Variants in AURKA observed in about 807,000 individuals in gnomAD.
The protein encoded by AURKA is aurora kinase A, also known as aurora 2.
A neutral mutation model predicts 40.9 loss-of-function variants in AURKA; 12 were observed. The observed-to-expected ratio is 0.29, with a 90% CI of 0.19 to 0.48. The LOEUF (loss-of-function observed/expected upper bound fraction) is 0.48, where lower values mean the gene tolerates loss of function less well. Among genes scored for constraint, AURKA ranks in the 20% least tolerant of loss-of-function variants. The pLI is 0.99. For missense variants in AURKA, 322 were observed against 462.1 expected (o/e 0.70, Z 2.78); for synonymous variants, 170 against 164.3 (o/e 1.03, Z -0.26).
At chr20:56,379,772 G>A (rs796560120) in intron 6 of AURKA, among the ~76,000 whole-genome samples, 6 of 151,860 alleles carry the variant, frequency 4.0e-5, no homozygotes, top group African/African-American at 1.4e-4. Context: ...GACCAGCCTG[G>A]CCAACATGGC....
rs1233391865 is a variant in AURKA, at chr20:56,369,562, G to A, written c.*596C>T. 8.0e-6 allele frequency: 2 copies of A among 250,524 alleles called. No homozygotes were observed. The highest frequency in any genetic ancestry group is 1.6e-5 in the Non-Finnish European group (2 of 126,758). The allele number at this position is 250,524 out of a possible 1,614,324, so 15.5% of individuals were successfully genotyped here. A position where few individuals can be genotyped will look rare whatever the true frequency, so the allele number is the denominator to read the frequency against. On this transcript the variant is annotated 3_prime_UTR_variant, in exon 9 of 9. Coordinates refer to ENST00000395915, the MANE Select transcript of AURKA (RefSeq NM_198437.3). ...TCCTATTTTTCACACTCTCATATGG[G>A]AGATAAGTGGTTAAGGAGGACTAGA...
chr20:56,373,542 C>T lies in AURKA; in HGVS notation c.720G>A (p.Leu240=), dbSNP rs944656972. Residue 240 remains leucine, a synonymous_variant, in exon 7 of 9, where the codon TTG becomes TTA. Transcript: ENST00000395915. This position sits in a 1 kb window ranked among gnomAD's most constrained non-coding sequence, Gnocchi z 5.0. ...EQRTATYITE[L]ANALSYCHSK... is the part of the protein sequence containing the mutation. The stretch of plus-strand genomic sequence containing the variant: ...AATGACAGTAAGACAGGGCATTTGC[C>T]AATTCTGTTATATACTGTTAAAACA... 1 of 1,614,130 alleles carries T rather than the reference C, an allele frequency of 6.2e-7. No individual in the cohort carries two copies. Among genetic ancestry groups the T allele is most frequent in the Non-Finnish European group, 8.5e-7 (1 of 1,179,978 alleles).
intron 3 of AURKA, among the ~76,000 whole-genome samples, chr20:56,385,654 T>G (rs1049161203): frequency 6.6e-6 from 1 of 151,598 alleles, no homozygotes; most frequent in Non-Finnish European, 1.5e-5. Flanking sequence ...AGAGACAGGG[T>G]TTCTCCATGT....
intron 7 of AURKA, among the ~76,000 whole-genome samples, chr20:56,371,339 G>A (rs1237440998): frequency 6.6e-6 from 1 of 151,926 alleles, no homozygotes; most frequent in Non-Finnish European, 1.5e-5. Flanking sequence ...GTGTGCGCCT[G>A]TAGTCCTAGC....
At chr20:56,390,309 CTT>C (rs112721980) in intron 1 of AURKA, among the ~76,000 whole-genome samples, 34 of 140,158 alleles carry the variant, frequency 2.4e-4, no homozygotes, top group Admixed American at 4.3e-4. Context: ...ACTGAGGTTT[CTT>C]TTTTTTTTTT....
At chr20:56,382,577 T>G (rs1985857023) in intron 5 of AURKA, among the ~76,000 whole-genome samples, 1 of 152,174 alleles carries the variant, frequency 6.6e-6, no homozygotes. Context: ...CTTGCCCATA[T>G]AAACTATTCT....
At chr20:56,371,566 CA>C (rs952011316) in intron 7 of AURKA, among the ~76,000 whole-genome samples, 6 of 150,412 alleles carry the variant, frequency 4.0e-5, no homozygotes, top group African/African-American at 1.5e-4. Flanking sequence ...AGTGGCAACA[CA>C]ATCAGAAAAG....
chr20:56,384,233 T>C (rs767873280), intron 4 of AURKA, 37 bp downstream of exon 4: 3 of 1,530,726 alleles, frequency 2.0e-6, no homozygotes, highest in Non-Finnish European at 1.8e-6. Context: ...TATATTCTAG[T>C]AGAACAGTAC....
rs114959395 is a variant in AURKA, at chr20:56,388,497, G to C, written c.-5-295C>G. 5.7e-3 allele frequency: 2,560 copies of C among 446,812 alleles called. 49 individuals are homozygous for C. The highest frequency in any genetic ancestry group is 0.043 in the African/African-American group (2,211 of 51,782). The allele number at this position is 446,812 out of a possible 1,614,324, so 27.7% of individuals were successfully genotyped here. ...CACTTCCATCCCTGTGCAGCCTACT[G>C]GCATACCTGCTACCTTAAAAAAGTC... is the stretch of plus-strand genomic sequence containing the variant. On this transcript the variant is annotated intron_variant, in intron 1 of 8. Transcript: ENST00000395915.
rs769961096 is a variant in AURKA at position 56,386,439 on chromosome 20, C to G, written c.137G>C (p.Arg46Pro). 2.5e-6 allele frequency: 4 copies of G among 1,614,070 alleles called. No homozygotes were observed. The highest frequency in any genetic ancestry group is 1.1e-5 in the South Asian group (1 of 91,088). Residue 46 changes from arginine (R) to proline (P), a missense_variant, in exon 3 of 9, where the codon CGG (arginine) becomes CCG (proline). Physicochemically the swap from Arg to Pro is moderately radical, Grantham distance 103. Transcript: ENST00000395915. ...PLPVNSGQAQ[R>P]VLCPSNSSQR... Reference sequence around the variant, plus strand: ...GGAAGAATTTGAAGGACACAAGACCCGCTGAGCCTGGCCACTATTTACAGG... The same window carrying G: ...GGAAGAATTTGAAGGACACAAGACCGGCTGAGCCTGGCCACTATTTACAGG...
chr20:56,381,126 A>C (rs959363693), intron 6 of AURKA, among the ~76,000 whole-genome samples: 17 of 152,148 alleles, frequency 1.1e-4, no homozygotes, highest in Admixed American at 9.2e-4. Context: ...AATAAAATAA[A>C]AATTATTCTA....
At chr20:56,375,499 G>C (rs1984821798) in intron 6 of AURKA, among the ~76,000 whole-genome samples, 1 of 151,970 alleles carries the variant, frequency 6.6e-6, no homozygotes, top group Non-Finnish European at 1.5e-5. Context: ...AATATATTTA[G>C]CTCTGCCTAA....
intron 1 of AURKA, among the ~76,000 whole-genome samples, chr20:56,390,120 G>A (rs1248134892): frequency 6.6e-6 from 1 of 152,078 alleles, no homozygotes; most frequent in Non-Finnish European, 1.5e-5. Flanking sequence ...CAGGCCTATT[G>A]AAGTCTCACA....
At chr20:56,391,295 G>A (rs1165352774) in intron 1 of AURKA, among the ~76,000 whole-genome samples, 2 of 152,236 alleles carry the variant, frequency 1.3e-5, no homozygotes, top group African/African-American at 4.8e-5. Context: ...GGTTACGGAA[G>A]AGGAAGAGAC....
At position 56,370,654 on chromosome 20, in the gene AURKA, G is replaced by A. The variant is rs772720875; in HGVS notation, c.860C>T (p.Thr287Ile). Residue 287 changes from threonine to isoleucine, a missense_variant, in exon 8 of 9, where the codon ACC becomes ATC. By Grantham distance (89) the Thr-to-Ile change is moderately conservative. Transcript: ENST00000395915. ...WSVHAPSSRR[T>I]TLCGTLDYLP... ...GTAGTCCAGGGTGCCACAGAGAGTG[G>A]TCCTCCTGAAAACGGAGGGAGGCTC... 18 of 1,614,184 alleles carry A rather than the reference G, an allele frequency of 1.1e-5. No homozygotes were observed. The highest frequency in any genetic ancestry group is 1.4e-5 in the Non-Finnish European group (17 of 1,180,040).
intron 3 of AURKA, among the ~76,000 whole-genome samples, chr20:56,385,260 G>A (rs1437444810): frequency 4.6e-5 from 7 of 152,104 alleles, no homozygotes; most frequent in East Asian, 1.9e-4. Flanking sequence ...AAGTGGTTAC[G>A]AAGATTGAAA....
At chr20:56,375,066 A>G (rs1028676345) in intron 6 of AURKA, among the ~76,000 whole-genome samples, 1 of 152,146 alleles carries the variant, frequency 6.6e-6, no homozygotes, top group Non-Finnish European at 1.5e-5. Flanking sequence ...AGCAAGAAAA[A>G]GAAAAGTTTT....
rs534831146 is a variant in AURKA at position 56,376,370 on chromosome 20, T to C, written c.706-2814A>G. 1.5e-3 allele frequency among the ~76,000 whole-genome samples: 227 copies of C among 152,300 alleles called. 1 individual carries two copies. Among genetic ancestry groups the C allele is most frequent in the African/African-American group, 5.2e-3 (217 of 41,576 alleles). ...AAGAAGCTGATTTGTTTAGCTAATA[T>C]TTAAAAAAGCAAATTAGAGATCTAT... On this transcript the variant is annotated intron_variant, in intron 6 of 8. Coordinates refer to ENST00000395915, the MANE Select transcript of AURKA (RefSeq NM_198437.3).
rs146034224 is a variant in AURKA, at chr20:56,370,228, G to A, written c.1142C>T (p.Pro381Leu). 1 of 1,614,048 alleles carries A rather than the reference G, an allele frequency of 6.2e-7. No homozygotes were observed. Among genetic ancestry groups the A allele is most frequent in the Non-Finnish European group, 8.5e-7 (1 of 1,180,028 alleles). Residue 381 changes from proline to leucine, a missense_variant, in exon 9 of 9, where the codon CCC becomes CTC. Coordinates refer to ENST00000395915, the MANE Select transcript of AURKA (RefSeq NM_198437.3). ...RPMLREVLEHPWITANSSKPS... is the reference protein window; with the variant it reads ...RPMLREVLEHLWITANSSKPS... Reference sequence around the variant, plus strand: ...TTTTGATGAATTTGCTGTGATCCAGGGGTGTTCAAGTACTTCTCTGAGCAT... The same window carrying A: ...TTTTGATGAATTTGCTGTGATCCAGAGGTGTTCAAGTACTTCTCTGAGCAT...
Sources: gnomAD v4.1 joint callset for allele counts (sites outside exome capture counted in the v4.1 genomes callset) on GRCh38, gnomAD v4.1.1 for gene constraint, Gnocchi (gnomAD v3.1) non-coding constraint, MANE v1.5 for transcripts, NCBI Gene and HGNC (gene_info 2026-07-23, HGNC 2026-07-21) for gene names.